FSTL5: variants seen among roughly 807,000 people sequenced by gnomAD.
The protein encoded by FSTL5 is follistatin-related protein 5.
A neutral mutation model predicts 89.1 loss-of-function variants in FSTL5; 62 were observed. The observed-to-expected ratio is 0.70, with a 90% CI of 0.57 to 0.86. The LOEUF (loss-of-function observed/expected upper bound fraction) is 0.86, where lower values mean the gene tolerates loss of function less well. FSTL5 is among the 40% of genes least tolerant of loss of function. The probability of loss-of-function intolerance (pLI) is 0.00; values close to 1 mark genes in which losing one functional copy is unlikely to be tolerated. For synonymous variants in FSTL5, 383 were observed against 346.2 expected (o/e 1.11, Z -1.18); for missense variants, 1,057 against 1,001.6 (o/e 1.06, Z -0.75).
intron 3 of FSTL5, among the ~76,000 whole-genome samples, chr4:161,968,896 GATT>G (rs930368818): frequency 1.8e-4 from 27 of 150,558 alleles, no homozygotes; most frequent in African/African-American, 6.6e-4. Context: ...AAGCAAAGAT[GATT>G]ATTATGTCTG....
At chr4:161,795,869 G>A (rs1418184840) in intron 4 of FSTL5, among the ~76,000 whole-genome samples, 2 of 151,958 alleles carry the variant, frequency 1.3e-5, no homozygotes, top group African/African-American at 4.8e-5. Context: ...TTGAAATTAG[G>A]AAGTGTAATG....
At chr4:161,614,039 C>T (rs1344547872) in intron 7 of FSTL5, among the ~76,000 whole-genome samples, 3 of 152,004 alleles carry the variant, frequency 2.0e-5, no homozygotes, top group Non-Finnish European at 4.4e-5. Flanking sequence ...AAACAATAGG[C>T]TTAGAATAGA....
chr4:162,100,777 T>A (rs1168182554), intron 2 of FSTL5, among the ~76,000 whole-genome samples: 1 of 151,968 alleles, frequency 6.6e-6, no homozygotes, highest in Non-Finnish European at 1.5e-5. Flanking sequence ...GGGTATAGAG[T>A]GACTCTTTGT....
At chr4:162,122,580 TTTTAAA>T (rs1421526608) in intron 1 of FSTL5, among the ~76,000 whole-genome samples, 1 of 152,158 alleles carries the variant, frequency 6.6e-6, no homozygotes, top group African/African-American at 2.4e-5. Context: ...ATTTTTGTTT[TTTTAAA>T]TTTATTTTCA....
At chr4:161,647,285 C>T (rs1298155921) in intron 7 of FSTL5, among the ~76,000 whole-genome samples, 2 of 152,064 alleles carry the variant, frequency 1.3e-5, no homozygotes, top group Non-Finnish European at 2.9e-5. Flanking sequence ...ATTTTTGGTA[C>T]CCTTCTAGAA....
chr4:161,566,654 G>C (rs1464550567), intron 8 of FSTL5, among the ~76,000 whole-genome samples: 3 of 152,006 alleles, frequency 2.0e-5, no homozygotes. Context: ...ATTCTAACTG[G>C]TGTGAGATGG....
At chr4:161,860,056 A>C (rs980984196) in intron 4 of FSTL5, among the ~76,000 whole-genome samples, 1 of 152,188 alleles carries the variant, frequency 6.6e-6, no homozygotes, top group African/African-American at 2.4e-5. Flanking sequence ...TGGGAGGCCA[A>C]GGTGGGCGGA....
Position 161,386,418 on chromosome 4 carries a change from C to T in FSTL5, c.1873G>A (p.Ala625Thr). Residue 625 changes from alanine to threonine, a missense_variant, in exon 16 of 16, where the codon GCA (alanine) becomes ACA (threonine). By Grantham distance (58) the Ala-to-Thr change is moderately conservative. This residue lies in a region of FSTL5 where 980 missense variants were observed against 903.2 expected (regional missense o/e 1.08). Transcript: ENST00000306100. ...GTTTCAAGATCAATTTTTTGTAGTG[C>T]AGCTTCATCTTTATGAAGAATAAAT... The part of the protein sequence containing the change: ...FGFILHKDEA[A>T]LQKIDLETMS... 1.9e-6 allele frequency: 3 copies of T among 1,611,800 alleles called. No homozygotes were observed. Among genetic ancestry groups the T allele is most frequent in the Non-Finnish European group, 2.5e-6 (3 of 1,178,830 alleles).
intron 7 of FSTL5, among the ~76,000 whole-genome samples, chr4:161,615,421 G>C (rs1253158293): frequency 2.0e-5 from 3 of 147,440 alleles, no homozygotes; most frequent in African/African-American, 7.5e-5. Flanking sequence ...CTCCAGCCTG[G>C]GTGACAGGGC....
chr4:161,832,723 G>C (rs188110451), intron 4 of FSTL5, among the ~76,000 whole-genome samples: 7,141 of 152,006 alleles, frequency 0.047, 213 homozygotes, highest in Non-Finnish European at 0.07. Flanking sequence ...GATCGGTGGT[G>C]ATATCCCCTT....
At chr4:161,908,006 T>C (rs1020027106) in intron 4 of FSTL5, among the ~76,000 whole-genome samples, 11 of 152,030 alleles carry the variant, frequency 7.2e-5, no homozygotes, top group Non-Finnish European at 1.5e-4. Flanking sequence ...ATATGGTACA[T>C]ATATACTGTG....
intron 3 of FSTL5, among the ~76,000 whole-genome samples, chr4:161,984,733 A>G (rs187561291): frequency 5.9e-5 from 9 of 152,238 alleles, no homozygotes; most frequent in African/African-American, 2.2e-4. Flanking sequence ...AACAATAATC[A>G]ATGTGTGCTT....
intron 5 of FSTL5, among the ~76,000 whole-genome samples, chr4:161,771,054 G>A (rs1446376724): frequency 2.0e-5 from 3 of 151,826 alleles, no homozygotes; most frequent in Non-Finnish European, 2.9e-5. Context: ...TTCTATGGCA[G>A]GACAATTATT....
At chr4:162,139,630 TG>T (rs1440367668) in intron 1 of FSTL5, among the ~76,000 whole-genome samples, 1 of 152,056 alleles carries the variant, frequency 6.6e-6, no homozygotes, top group Non-Finnish European at 1.5e-5. Flanking sequence ...AATAGCTATA[TG>T]AAAAAAATTA....
At chr4:161,829,864 G>T (rs1460542498) in intron 4 of FSTL5, among the ~76,000 whole-genome samples, 1 of 151,992 alleles carries the variant, frequency 6.6e-6, no homozygotes, top group East Asian at 1.9e-4. Context: ...TTCCTTAAAT[G>T]ATTGTATGCA....
intron 13 of FSTL5, among the ~76,000 whole-genome samples, chr4:161,466,772 T>TA (rs920294355): frequency 2.0e-5 from 3 of 152,184 alleles, no homozygotes; most frequent in East Asian, 1.9e-4. Flanking sequence ...TAGATTCCAT[T>TA]AAAAAAATGT....
At chr4:161,425,826 G>T (rs967338892) in intron 15 of FSTL5, among the ~76,000 whole-genome samples, 2 of 152,106 alleles carry the variant, frequency 1.3e-5, no homozygotes, top group Non-Finnish European at 2.9e-5. Context: ...GAAGAGCTTG[G>T]ATTAGATCCT....
intron 12 of FSTL5, among the ~76,000 whole-genome samples, chr4:161,498,045 T>A (rs74573217): frequency 6.6e-6 from 1 of 151,528 alleles, no homozygotes; most frequent in African/African-American, 2.4e-5. Flanking sequence ...TACATCACAT[T>A]GCTTTGTCCT....
chr4:162,106,344 T>C (rs1487705798), intron 2 of FSTL5, among the ~76,000 whole-genome samples: 1 of 152,176 alleles, frequency 6.6e-6, no homozygotes, highest in East Asian at 1.9e-4. Flanking sequence ...AGAATACTCT[T>C]GTCTGTCCTC....
Sources: gnomAD v4.1 joint callset for allele counts (sites outside exome capture counted in the v4.1 genomes callset) on GRCh38, gnomAD v4.1.1 for gene constraint, gnomAD v4.1.1 regional missense constraint, MANE v1.5 for transcripts, NCBI Gene and HGNC (gene_info 2026-07-23, HGNC 2026-07-21) for gene names.